Variants in LRRK2 observed in about 807,000 individuals in gnomAD.
LRRK2 encodes leucine rich repeat kinase 2, also known as leucine-rich repeat serine/threonine-protein kinase 2.
In LRRK2, 203 loss-of-function variants were observed where a neutral mutation model predicts 302.6. That is an observed-to-expected ratio of 0.67 (90% CI 0.60 to 0.75). The LOEUF is 0.75. Among genes scored for constraint, LRRK2 ranks in the 30% least tolerant of loss-of-function variants. LRRK2 has a pLI of 0.00. For missense variants in LRRK2, 2,830 were observed against 2,951.0 expected (o/e 0.96, Z 0.95); for synonymous variants, 1,066 against 1,031.9 (o/e 1.03, Z -0.63).
At chr12:40,308,370 T>C in intron 28 of LRRK2, 97 bp from the exon 29 acceptor site, 2 of 904,954 alleles carry the variant, frequency 2.2e-6, no homozygotes, top group South Asian at 1.5e-5. Flanking sequence ...TTCTGGATAC[T>C]ATATTTTAGA....
At position 40,235,684 on chromosome 12, in the gene LRRK2, C is replaced by T. The variant is rs1461945219; in HGVS notation, c.406C>T (p.Leu136=). Residue 136 remains leucine (L), a synonymous_variant, in exon 4 of 51, where the codon CTG becomes TTG. Coordinates refer to ENST00000298910, the MANE Select transcript of LRRK2 (RefSeq NM_198578.4). The stretch of plus-strand genomic sequence containing the variant: ...CAGTGTAAACTTGTCAGTGATTGGA[C>T]TGAAGACCTTAGATCTCCTCCTAAC... ...NASVNLSVIG[L]KTLDLLLTSG... The T allele has an allele frequency of 1.2e-6, 2 of 1,606,758 alleles. No homozygotes were observed. Among genetic ancestry groups the T allele is most frequent in the African/African-American group, 2.7e-5 (2 of 74,624 alleles).
At chr12:40,325,654 C>T (rs1945526650) in intron 38 of LRRK2, among the ~76,000 whole-genome samples, 1 of 152,158 alleles carries the variant, frequency 6.6e-6, no homozygotes, top group African/African-American at 2.4e-5. Context: ...GTGTATCCTT[C>T]TAAAAACATT....
chr12:40,302,125 C>A (rs902135575), intron 25 of LRRK2, among the ~76,000 whole-genome samples: 1 of 152,080 alleles, frequency 6.6e-6, no homozygotes, highest in Non-Finnish European at 1.5e-5. Flanking sequence ...TTGCATTGAG[C>A]TGAGATCACG....
intron 11 of LRRK2, among the ~76,000 whole-genome samples, chr12:40,253,707 T>C (rs367669380): frequency 1.6e-4 from 24 of 152,324 alleles, no homozygotes; most frequent in African/African-American, 5.8e-4. Context: ...CTTTGTAGTT[T>C]TTCAGTGCTT....
At chr12:40,359,104 G>GT (rs1158925809) in intron 46 of LRRK2, among the ~76,000 whole-genome samples, 156 bp from the exon 47 acceptor site, 3 of 151,518 alleles carry the variant, frequency 2.0e-5, no homozygotes, top group Non-Finnish European at 2.9e-5. Flanking sequence ...AGAACTAAGA[G>GT]TTTTTTTTAA....
At chr12:40,252,875 G>T (rs1565682481) in intron 10 of LRRK2, 35 bp from the exon 11 acceptor site, 1 of 1,350,524 alleles carries the variant, frequency 7.4e-7, no homozygotes, top group Non-Finnish European at 1.1e-6. Flanking sequence ...TTATTTAAAA[G>T]ATTACTACTA....
chr12:40,294,644 A>G (rs944987553), intron 21 of LRRK2, among the ~76,000 whole-genome samples: 5 of 152,184 alleles, frequency 3.3e-5, no homozygotes, highest in African/African-American at 9.6e-5. Context: ...GAGAAAGAGT[A>G]GATGCTTTCT....
intron 6 of LRRK2, 32 bp from the exon 7 acceptor site, chr12:40,243,518 C>G (rs1174736213): frequency 6.2e-7 from 1 of 1,607,022 alleles, no homozygotes. Context: ...ACATGGTTAC[C>G]TTATTGATAA....
At chr12:40,291,281 G>A (rs1298764950) in intron 20 of LRRK2, among the ~76,000 whole-genome samples, 1 of 151,790 alleles carries the variant, frequency 6.6e-6, no homozygotes, top group Non-Finnish European at 1.5e-5. Flanking sequence ...GCCTGTTGTG[G>A]GGTGGGGGGA....
At chr12:40,326,453 G>C (rs1219206664) in intron 38 of LRRK2, among the ~76,000 whole-genome samples, 1 of 142,142 alleles carries the variant, frequency 7.0e-6, no homozygotes, top group Admixed American at 7.3e-5. Context: ...GCGACAGAGC[G>C]AGACTCTGTC....
intron 30 of LRRK2, 74 bp downstream of exon 30, chr12:40,309,307 T>TGTGTG: frequency 7.4e-7 from 1 of 1,352,178 alleles, no homozygotes; most frequent in East Asian, 2.5e-5. Context: ...TGTGTGTAAG[T>TGTGTG]TAATTTATTT....
chr12:40,335,564 A>G (rs899066026), intron 40 of LRRK2, among the ~76,000 whole-genome samples: 1 of 152,154 alleles, frequency 6.6e-6, no homozygotes, highest in African/African-American at 2.4e-5. Context: ...TGACCATCTC[A>G]CATGTCTCAG....
intron 3 of LRRK2, chr12:40,232,733 T>TA (rs1033573931): frequency 1.1e-5 from 2 of 174,774 alleles, no homozygotes; most frequent in Non-Finnish European, 2.4e-5. Flanking sequence ...CACTAGTTCT[T>TA]AAAAAAATGG....
chr12:40,298,973 T>G (rs1399442271), intron 24 of LRRK2, 136 bp from the exon 25 acceptor site: 1 of 611,864 alleles, frequency 1.6e-6, no homozygotes, highest in Non-Finnish European at 2.5e-6. Flanking sequence ...TCAACTGACT[T>G]ACATTTTTAC....
At chr12:40,346,535 A>T (rs1384985229) in intron 41 of LRRK2, among the ~76,000 whole-genome samples, 1 of 152,192 alleles carries the variant, frequency 6.6e-6, no homozygotes, top group Non-Finnish European at 1.5e-5. Context: ...AGATTGAAGG[A>T]TTTTATTGTC....
At chr12:40,225,480 C>A (rs775690182) in intron 1 of LRRK2, 75 bp from the exon 2 acceptor site, 7 of 1,390,526 alleles carry the variant, frequency 5.0e-6, no homozygotes, top group East Asian at 2.3e-5. Flanking sequence ...CTTTTCTCCC[C>A]GTTTCAGACT....
intron 25 of LRRK2, 142 bp downstream of exon 25, chr12:40,299,399 G>T: frequency 1.1e-6 from 1 of 936,386 alleles, no homozygotes; most frequent in South Asian, 1.5e-5. Context: ...AAATTAGCAG[G>T]TTGGCAATAA....
intron 28 of LRRK2, 103 bp downstream of exon 28, chr12:40,306,069 A>G: frequency 7.7e-6 from 7 of 908,628 alleles, no homozygotes; most frequent in Non-Finnish European, 1.2e-5. Context: ...GGAAAAATAA[A>G]TAGTAATATT....
intron 44 of LRRK2, among the ~76,000 whole-genome samples, chr12:40,353,954 G>T (rs1202351266): frequency 6.6e-6 from 1 of 152,176 alleles, no homozygotes; most frequent in East Asian, 1.9e-4. Context: ...GCTTCGGCTC[G>T]GCATCAGAGG....
Sources: allele counts gnomAD v4.1 joint callset (sites outside exome capture counted in the v4.1 genomes callset), GRCh38; gene constraint gnomAD v4.1.1; transcripts MANE v1.5; gene names NCBI Gene and HGNC (gene_info 2026-07-23, HGNC 2026-07-21).